The following MYH7B variants were observed in gnomAD, a reference collection of about 807,000 sequenced individuals.
MYH7B encodes the protein myosin heavy chain 7B.
MYH7B carries 205 observed loss-of-function variants against 234.5 expected under a neutral mutation model. The observed-to-expected ratio is 0.87, with a 90% CI of 0.78 to 0.98. The LOEUF (loss-of-function observed/expected upper bound fraction) is 0.98, where lower values mean the gene tolerates loss of function less well. Among genes scored for constraint, MYH7B ranks in the 50% least tolerant of loss-of-function variants. The pLI is 0.00. For synonymous variants in MYH7B, 1,193 were observed against 1,105.0 expected (o/e 1.08, Z -1.58); for missense variants, 2,652 against 2,633.4 (o/e 1.01, Z -0.15).
exon 27 of MYH7B, chr20:34,994,196 A>G: frequency 1.9e-6 from 3 of 1,613,472 alleles, no homozygotes; most frequent in Non-Finnish European, 2.5e-6. Flanking sequence ...AATGCCGTCA[A>G]GAACTGGTCA....
intron 43 of MYH7B, 145 bp downstream of exon 43, chr20:35,001,671 G>T: frequency 1.2e-6 from 1 of 822,808 alleles, no homozygotes; most frequent in Admixed American, 2.7e-5. Flanking sequence ...TCTCTGGGGA[G>T]ATCAGACCTA....
chr20:34,956,529 C>A (rs758355010), intron 1 of MYH7B, among the ~76,000 whole-genome samples: 1 of 151,322 alleles, frequency 6.6e-6, no homozygotes, highest in Non-Finnish European at 1.5e-5. Context: ...GCACCTGATA[C>A]GAATTTTAGT....
exon 6 of MYH7B, chr20:34,979,456 C>T: frequency 6.2e-7 from 1 of 1,613,946 alleles, no homozygotes; most frequent in Non-Finnish European, 8.5e-7. Flanking sequence ...AAGTCGGAGG[C>T]TACCGGGGGC....
chr20:35,002,024 A>G (rs1437284030), exon 44 of MYH7B: 2 of 1,614,068 alleles, frequency 1.2e-6, no homozygotes, highest in Admixed American at 3.3e-5. Context: ...GAGCGGGCAG[A>G]CATGGCGGAA....
Position 34,979,753 on chromosome 20 carries a change from G to A in MYH7B, c.291G>A (p.Glu97=), listed in dbSNP as rs1470157889. Residue 97 remains glutamate, a synonymous_variant, in exon 7 of 45, where the codon GAG becomes GAA. Coordinates refer to ENST00000262873, the Ensembl canonical transcript of MYH7B. ...TGGCCATGATGACGCACCTGAACGAGGCCTCTGTGCTGCACAACCTGCGCC... is the reference window on the plus strand; with the variant it reads ...TGGCCATGATGACGCACCTGAACGAAGCCTCTGTGCTGCACAACCTGCGCC... 1.2e-6 allele frequency: 2 copies of A among 1,614,176 alleles called. No individual in the cohort carries two copies. The highest frequency in any genetic ancestry group is 8.5e-7 in the Non-Finnish European group (1 of 1,180,030).
Position 34,999,820 on chromosome 20 carries a change from G to A in MYH7B, c.4695G>A (p.Thr1565=), listed in dbSNP as rs185140784. 2.2e-5 allele frequency: 35 copies of A among 1,603,166 alleles called. No homozygotes were observed. The East Asian group carries it at 3.2e-4, about 14-fold the overall frequency. ...CCCTGGAGCTGGAGGAGACCAAGAC[G>A]CTGCGGATCCAGCTGGAGCTCTCCC... The change falls in exon 38 of 45, where the codon ACG becomes ACA. Residue 1565 remains threonine, a synonymous_variant. Transcript: ENST00000262873.
intron 29 of MYH7B, 35 bp from the exon 30 acceptor site, chr20:34,996,578 G>GGCCATGGCTGACCCCTGCTGT: frequency 1.2e-6 from 2 of 1,604,680 alleles, no homozygotes; most frequent in South Asian, 2.2e-5. Context: ...GGCTGGCTTG[G>GGCCATGGCTGACCCCTGCTGT]GCCATGGCTG....
chr20:34,999,498 C>T, intron 36 of MYH7B, 73 bp from the exon 37 acceptor site: 1 of 1,534,432 alleles, frequency 6.5e-7, no homozygotes. Flanking sequence ...ACCCTGGAAT[C>T]AGGGGTGAGT....
chr20:34,995,605 G>A (rs2082241905), intron 28 of MYH7B, 27 bp downstream of exon 28: 2 of 1,611,624 alleles, frequency 1.2e-6, no homozygotes, highest in African/African-American at 1.3e-5. Context: ...CTGTGGGGAA[G>A]GGCCCTGAGC....
intron 7 of MYH7B, chr20:34,980,239 G>A (rs974820687): frequency 9.1e-6 from 3 of 331,244 alleles, no homozygotes; most frequent in Middle Eastern, 9.3e-4. Context: ...GGGAACTTGC[G>A]TATCCCTCCC....
chr20:34,990,002 T>G lies in MYH7B; in HGVS notation c.1768-12T>G. 1.9e-6 allele frequency: 3 copies of G among 1,613,968 alleles called. No individual in the cohort carries two copies. Among genetic ancestry groups the G allele is most frequent in the Non-Finnish European group, 2.5e-6 (3 of 1,179,940 alleles). ...CTCCCACCCGGGCTCAGCACCTGACTTGTCTCTCCAGGTGCCTTACAGCAT... is the reference window on the plus strand; with the variant it reads ...CTCCCACCCGGGCTCAGCACCTGACGTGTCTCTCCAGGTGCCTTACAGCAT... On this transcript the variant is annotated splice_polypyrimidine_tract_variant and intron_variant, in intron 20 of 44. Transcript: ENST00000262873.
At chr20:34,961,373 G>A (rs2081696090) in intron 2 of MYH7B, among the ~76,000 whole-genome samples, 1 of 151,992 alleles carries the variant, frequency 6.6e-6, no homozygotes, top group South Asian at 2.1e-4. Context: ...CATCCAGCTT[G>A]CAAAATAAAA....
Position 34,979,806 on chromosome 20 carries a change from T to TGA in MYH7B, c.342+4_342+5dup, listed in dbSNP as rs1233952169. The TGA allele has an allele frequency of 1.9e-6, 3 of 1,612,552 alleles. No individual in the cohort carries two copies. The African/African-American group carries it at 4.0e-5, about 22-fold the overall frequency. ...CGCTATGCCCGCTGGATGATCTATG[T>TGA]GAGCCCCAGGCCCGGGCCATGGGCG... On this transcript the variant is annotated splice_region_variant and intron_variant, in intron 7 of 44. Transcript: ENST00000262873.
chr20:34,986,162 T>C (rs1228534300), exon 14 of MYH7B: 2 of 1,599,498 alleles, frequency 1.3e-6, no homozygotes, highest in Non-Finnish European at 1.7e-6. Flanking sequence ...CCATGTCTAC[T>C]ACCAGATCCT....
rs74862293 is a variant in MYH7B at position 34,962,324 on chromosome 20, C to T, written c.-222+4112C>T. Among the ~76,000 whole-genome samples the T allele has an allele frequency of 9.0e-3, 1,372 of 152,176 alleles. 27 individuals are homozygous for T. Among genetic ancestry groups the T allele is most frequent in the African/African-American group, 0.031 (1,298 of 41,490 alleles). ...GGTAGATACCTAGGAGTGGAATTGC[C>T]GGGTAATATGGTAAGTATATGTTTA... is the stretch of plus-strand genomic sequence containing the variant. On this transcript the variant is annotated intron_variant, in intron 2 of 44. Transcript: ENST00000262873.
At chr20:34,986,592 C>T (rs1023068195) in intron 14 of MYH7B, among the ~76,000 whole-genome samples, 4 of 152,188 alleles carry the variant, frequency 2.6e-5, no homozygotes, top group Non-Finnish European at 5.9e-5. Flanking sequence ...GGGCCATGAG[C>T]AACAGTCAAA....
chr20:34,993,900 G>T (rs534734227), intron 26 of MYH7B, among the ~76,000 whole-genome samples: 42 of 152,352 alleles, frequency 2.8e-4, no homozygotes, highest in African/African-American at 1.0e-3. Context: ...GAGCCCCGTG[G>T]CTTAACAGCC....
chr20:34,987,692 C>A lies in MYH7B; in HGVS notation c.1266+17C>A, dbSNP rs1036705723. ...GTGGAGCAGGTGAGCTGCCTGCAGG[C>A]CAAACCCATGGGGGACAGCCGGGCA... On this transcript the variant is annotated intron_variant, in intron 17 of 44. Transcript: ENST00000262873. 2.1e-5 allele frequency: 34 copies of A among 1,612,044 alleles called. No homozygotes were observed. The highest frequency in any genetic ancestry group is 2.9e-5 in the Non-Finnish European group (34 of 1,178,628).
Position 34,993,445 on chromosome 20 carries a change from G to T in MYH7B, c.2419G>T (p.Glu807Ter). The T allele has an allele frequency of 6.2e-7, 1 of 1,607,602 alleles. No individual in the cohort carries two copies. The highest frequency in any genetic ancestry group is 1.1e-5 in the South Asian group (1 of 90,582). Reference sequence around the variant, plus strand: ...GAGCCGTGGCCGCCTCATGCGCCTTGAGTACCAGCGCCTGCTGGGAGGCAG... The same window carrying T: ...GAGCCGTGGCCGCCTCATGCGCCTTTAGTACCAGCGCCTGCTGGGAGGCAG... The change falls in exon 26 of 45, where the codon GAG becomes TAG. Residue 807 changes from glutamate to a stop codon, truncating the protein, a stop_gained. Coordinates refer to ENST00000262873, the Ensembl canonical transcript of MYH7B. LOFTEE classifies it high-confidence loss of function.
Sources: allele counts gnomAD v4.1 joint callset (sites outside exome capture counted in the v4.1 genomes callset), GRCh38; gene constraint gnomAD v4.1.1; transcripts MANE v1.5; gene names NCBI Gene and HGNC (gene_info 2026-07-23, HGNC 2026-07-21).